PTGFRN: variants seen among roughly 807,000 people sequenced by gnomAD.
The protein encoded by PTGFRN is prostaglandin F2 receptor negative regulator.
Under a neutral mutation model 83.2 loss-of-function variants are expected in PTGFRN, and 35 were observed. That is an observed-to-expected ratio of 0.42 (90% CI 0.32 to 0.56). The LOEUF (loss-of-function observed/expected upper bound fraction) is 0.56, where lower values mean the gene tolerates loss of function less well. Ranked by LOEUF, PTGFRN falls within the 20% of genes least tolerant of loss-of-function variation. PTGFRN has a pLI of 0.11. For synonymous variants in PTGFRN, 519 were observed against 498.6 expected (o/e 1.04, Z -0.55); for missense variants, 1,051 against 1,179.5 (o/e 0.89, Z 1.60).
chr1:116,943,840 A>T lies in PTGFRN; in HGVS notation c.419-839A>T, dbSNP rs547862425. ...GTTTCTGAATATGGAATTGGGGGGA[A>T]AAAAAAACAGATGATGAATAGTGGT... On this transcript the variant is annotated intron_variant, in intron 2 of 8. Transcript: ENST00000393203. Among the ~76,000 whole-genome samples, 293 of 151,946 alleles carry T rather than the reference A, an allele frequency of 1.9e-3. 1 individual carries two copies. The highest frequency in any genetic ancestry group is 6.9e-3 in the African/African-American group (284 of 41,406).
chr1:116,919,194 G>A (rs897395589), intron 1 of PTGFRN, among the ~76,000 whole-genome samples: 1 of 152,182 alleles, frequency 6.6e-6, no homozygotes, highest in African/African-American at 2.4e-5. Flanking sequence ...GGTTGGGCCT[G>A]AATGGATTAG....
Position 116,987,114 on chromosome 1 carries a change from T to C in PTGFRN, c.*147T>C. On this transcript the variant is annotated 3_prime_UTR_variant, in exon 9 of 9. Coordinates refer to ENST00000393203, the MANE Select transcript of PTGFRN (RefSeq NM_020440.4). Reference sequence around the variant, plus strand: ...GACTTGGCGCTCTCTCTTTTCTGCATGTCAAGTTCTGAGCGCGGACATGTT... The same window carrying C: ...GACTTGGCGCTCTCTCTTTTCTGCACGTCAAGTTCTGAGCGCGGACATGTT... 1 of 889,156 alleles carries C rather than the reference T, an allele frequency of 1.1e-6. No homozygotes were observed. Among genetic ancestry groups the C allele is most frequent in the Non-Finnish European group, 1.7e-6 (1 of 593,938 alleles). 55.1% of individuals were successfully genotyped at this position (889,156 alleles called of 1,614,324 possible). A position where few individuals can be genotyped will look rare whatever the true frequency, so the allele number is the denominator to read the frequency against.
At chr1:116,940,181 AT>A (rs1230178808) in intron 1 of PTGFRN, among the ~76,000 whole-genome samples, 5 of 152,352 alleles carry the variant, frequency 3.3e-5, no homozygotes, top group African/African-American at 1.2e-4. Flanking sequence ...TTAAACAGAC[AT>A]TTATTGCCTC....
chr1:116,984,659 T>C (rs1651409848), intron 7 of PTGFRN, 21 bp from the exon 8 acceptor site: 1 of 1,607,354 alleles, frequency 6.2e-7, no homozygotes. Context: ...GACCCCAGGG[T>C]TTTGGCTTGG....
intron 4 of PTGFRN, among the ~76,000 whole-genome samples, chr1:116,960,920 C>T (rs1653644306): frequency 6.6e-6 from 1 of 152,132 alleles, no homozygotes; most frequent in Admixed American, 6.5e-5. Flanking sequence ...AGAGATTCTT[C>T]TCAGAAGACC....
At chr1:116,970,228 T>C (rs1342120524) in intron 6 of PTGFRN, among the ~76,000 whole-genome samples, 1 of 152,212 alleles carries the variant, frequency 6.6e-6, no homozygotes, top group Non-Finnish European at 1.5e-5. Context: ...ATGTTCACTG[T>C]GGGATTTTCA....
intron 4 of PTGFRN, among the ~76,000 whole-genome samples, chr1:116,955,884 A>T (rs1441738435): frequency 6.6e-6 from 1 of 152,150 alleles, no homozygotes; most frequent in African/African-American, 2.4e-5. Context: ...ACCCTTAGAG[A>T]GCAGGGAGCT....
chr1:116,920,980 C>T (rs1307241307), intron 1 of PTGFRN, among the ~76,000 whole-genome samples: 1 of 152,192 alleles, frequency 6.6e-6, no homozygotes, highest in Non-Finnish European at 1.5e-5. Context: ...AAAAAATGTG[C>T]CCCTAGTATT....
At chr1:116,959,595 A>G (rs1650590784) in intron 4 of PTGFRN, among the ~76,000 whole-genome samples, 1 of 152,228 alleles carries the variant, frequency 6.6e-6, no homozygotes, top group Admixed American at 6.5e-5. Flanking sequence ...GGTGATGCAG[A>G]TAAAGATAAT....
chr1:116,980,284 A>G (rs1222017888), intron 7 of PTGFRN, among the ~76,000 whole-genome samples: 2 of 152,236 alleles, frequency 1.3e-5, no homozygotes, highest in Non-Finnish European at 2.9e-5. Context: ...AACTAGTTCA[A>G]CCATTGTGGA....
chr1:116,929,102 A>G (rs781700424), intron 1 of PTGFRN, among the ~76,000 whole-genome samples: 5 of 152,174 alleles, frequency 3.3e-5, no homozygotes, highest in African/African-American at 9.7e-5. Flanking sequence ...GCTTCCCTCT[A>G]ATTACTTTGC....
Position 116,952,215 on chromosome 1 carries a change from A to G in PTGFRN, c.1213+2643A>G, listed in dbSNP as rs942616580. Among the ~76,000 whole-genome samples, 2 of 152,212 alleles carry G rather than the reference A, an allele frequency of 1.3e-5. No individual in the cohort carries two copies. The highest frequency in any genetic ancestry group is 4.8e-5 in the African/African-American group (2 of 41,450). ...GACTCAGCTTCATTCCTGAAACTCC[A>G]GAGCATAGTCCTAAGAGCTGGGTAG... On this transcript the variant is annotated intron_variant, in intron 4 of 8. Coordinates refer to ENST00000393203, the MANE Select transcript of PTGFRN (RefSeq NM_020440.4). The surrounding 1 kb of genome is among the most constrained non-coding windows in gnomAD (Gnocchi z 4.0).
At chr1:116,980,401 T>C (rs775806952) in intron 7 of PTGFRN, among the ~76,000 whole-genome samples, 1 of 152,232 alleles carries the variant, frequency 6.6e-6, no homozygotes, top group Non-Finnish European at 1.5e-5. Flanking sequence ...TAAAGACACA[T>C]GCACATGTGT....
At chr1:116,956,125 C>T (rs774813281) in intron 4 of PTGFRN, among the ~76,000 whole-genome samples, 4 of 152,204 alleles carry the variant, frequency 2.6e-5, no homozygotes, top group Admixed American at 1.3e-4. Context: ...CCTACTCCTA[C>T]CATTCTGACA....
Position 116,961,623 on chromosome 1 carries a change from A to G in PTGFRN, c.1594A>G (p.Lys532Glu). 1 of 1,613,974 alleles carries G rather than the reference A, an allele frequency of 6.2e-7. No individual in the cohort carries two copies. Among genetic ancestry groups the G allele is most frequent in the Non-Finnish European group, 8.5e-7 (1 of 1,179,894 alleles). The change falls in exon 5 of 9, where the codon AAG (lysine) becomes GAG (glutamate). Residue 532 changes from lysine (K) to glutamate (E), a missense_variant. By Grantham distance (56) the Lys-to-Glu change is moderately conservative (BLOSUM62 1). Coordinates refer to ENST00000393203, the MANE Select transcript of PTGFRN (RefSeq NM_020440.4). The surrounding 1 kb of genome is among the most constrained non-coding windows in gnomAD (Gnocchi z 5.4). ...GCGGAACAACAGCTGGGTGAAAAGC[A>G]AGGATGTCTTCTCCAAGCCTGTTAA... ...KQRNNSWVKS[K>E]DVFSKPVNIF...
intron 5 of PTGFRN, among the ~76,000 whole-genome samples, chr1:116,962,657 A>C (rs1650696924): frequency 6.6e-6 from 1 of 152,140 alleles, no homozygotes; most frequent in South Asian, 2.1e-4. Flanking sequence ...CTTATATGCT[A>C]CATTAGACCG....
chr1:116,924,643 T>C (rs1649612208), intron 1 of PTGFRN, among the ~76,000 whole-genome samples: 1 of 152,344 alleles, frequency 6.6e-6, no homozygotes, highest in South Asian at 2.1e-4. Context: ...TGACGCTGTG[T>C]GTCACAGTTG....
At chr1:116,934,913 C>T (rs754909897) in intron 1 of PTGFRN, among the ~76,000 whole-genome samples, 31 of 152,278 alleles carry the variant, frequency 2.0e-4, no homozygotes, top group Non-Finnish European at 3.2e-4. Context: ...TTGCTTTTTC[C>T]GCTTTGCTCT....
chr1:116,936,453 C>T (rs1265340191), intron 1 of PTGFRN, among the ~76,000 whole-genome samples: 1 of 152,196 alleles, frequency 6.6e-6, no homozygotes, highest in Non-Finnish European at 1.5e-5. Flanking sequence ...GTGGAGCTAT[C>T]ATATAGCCAA....
Sources: gnomAD v4.1 joint callset for allele counts (sites outside exome capture counted in the v4.1 genomes callset) on GRCh38, gnomAD v4.1.1 for gene constraint, Gnocchi (gnomAD v3.1) non-coding constraint, MANE v1.5 for transcripts, NCBI Gene and HGNC (gene_info 2026-07-23, HGNC 2026-07-21) for gene names.